Variants in MTCL2 observed in about 807,000 individuals in gnomAD.
MTCL2 encodes the protein microtubule crosslinking factor 2.
the MTCL2 span, among the ~76,000 whole-genome samples, chr20:36,846,501 T>C: frequency 6.6e-6 from 1 of 152,254 alleles, no homozygotes; most frequent in Admixed American, 6.5e-5. Context: ...CTTCCCTTTC[T>C]AGAGAATGCT....
the MTCL2 span, among the ~76,000 whole-genome samples, chr20:36,787,309 C>T: frequency 2.0e-5 from 3 of 152,018 alleles, no homozygotes; most frequent in Non-Finnish European, 4.4e-5. Flanking sequence ...CTCACTACAA[C>T]CTCCACCTCA....
At chr20:36,859,717 G>T in the MTCL2 span, 1 of 1,231,744 alleles carries the variant, frequency 8.1e-7, no homozygotes, top group Non-Finnish European at 1.0e-6. Context: ...CCCCTACAAG[G>T]GGGAGGTAAG....
At chr20:36,846,840 C>A in the MTCL2 span, among the ~76,000 whole-genome samples, 5 of 152,312 alleles carry the variant, frequency 3.3e-5, no homozygotes, top group Non-Finnish European at 7.3e-5. Context: ...AACCCCATCT[C>A]TACAAAAAAA....
the MTCL2 span, chr20:36,785,607 G>A: frequency 4.8e-4 from 473 of 985,238 alleles, no homozygotes; most frequent in Non-Finnish European, 5.3e-4. Context: ...CTGCCTCTCA[G>A]GGTGCCAGGG....
At chr20:36,793,253 T>C in the MTCL2 span, 18 of 1,550,776 alleles carry the variant, frequency 1.2e-5, no homozygotes, top group African/African-American at 1.4e-4. This position sits in a 1 kb window ranked among gnomAD's most constrained non-coding sequence, Gnocchi z 6.8. Context: ...ACCTACCTCA[T>C]TGGGAAGGAC....
the MTCL2 span, chr20:36,796,732 C>T: frequency 1.4e-3 from 998 of 694,038 alleles, 1 homozygote; most frequent in Non-Finnish European, 2.1e-3. Flanking sequence ...AACTTGGATG[C>T]GGTGGGGTGG....
the MTCL2 span, among the ~76,000 whole-genome samples, chr20:36,822,603 C>G: frequency 6.6e-6 from 1 of 152,196 alleles, no homozygotes; most frequent in African/African-American, 2.4e-5. Flanking sequence ...CTTCCTGCCC[C>G]ACTTTGGCCA....
At chr20:36,777,821 G>T in the MTCL2 span, 2 of 620,398 alleles carry the variant, frequency 3.2e-6, no homozygotes, top group East Asian at 6.7e-5. Context: ...AGGAGGAAGG[G>T]CAGCTTCTGG....
At chr20:36,794,306 G>T in the MTCL2 span, 9 of 1,559,910 alleles carry the variant, frequency 5.8e-6, no homozygotes, top group Non-Finnish European at 7.8e-6. This position sits in a 1 kb window ranked among gnomAD's most constrained non-coding sequence, Gnocchi z 5.4. Flanking sequence ...GAGGCGCCGG[G>T]CCACCGGGGG....
At chr20:36,790,592 G>A in the MTCL2 span, among the ~76,000 whole-genome samples, 1 of 151,420 alleles carries the variant, frequency 6.6e-6, no homozygotes, top group Non-Finnish European at 1.5e-5. Flanking sequence ...ATGCTGCCAC[G>A]CCTGGCTAAT....
At chr20:36,832,130 T>C in the MTCL2 span, among the ~76,000 whole-genome samples, 2 of 152,096 alleles carry the variant, frequency 1.3e-5, no homozygotes, top group African/African-American at 4.8e-5. Flanking sequence ...GTCCAACAAG[T>C]GAAAAGGGAG....
the MTCL2 span, chr20:36,809,899 G>A: frequency 6.7e-7 from 1 of 1,490,862 alleles, no homozygotes; most frequent in Non-Finnish European, 9.1e-7. Context: ...GACTTCAGAG[G>A]GCCCATAGAT....
the MTCL2 span, among the ~76,000 whole-genome samples, chr20:36,848,141 C>A: frequency 6.6e-6 from 1 of 152,104 alleles, no homozygotes; most frequent in Non-Finnish European, 1.5e-5. Context: ...AGAGTGAGAC[C>A]CCTGTCTCTA....
At chr20:36,796,882 C>T in the MTCL2 span, 1 of 1,613,942 alleles carries the variant, frequency 6.2e-7, no homozygotes, top group Non-Finnish European at 8.5e-7. Flanking sequence ...ATGCAAGCAC[C>T]TCTTTAAACC....
At chr20:36,836,176 C>CT in the MTCL2 span, among the ~76,000 whole-genome samples, 1 of 146,152 alleles carries the variant, frequency 6.8e-6, no homozygotes, top group Admixed American at 7.2e-5. Context: ...CTAACTCATT[C>CT]TTTTTTTTCT....
the MTCL2 span, among the ~76,000 whole-genome samples, chr20:36,838,445 A>G: frequency 6.6e-6 from 1 of 152,068 alleles, no homozygotes; most frequent in African/African-American, 2.4e-5. Context: ...ATATAGAAAA[A>G]TTAGCCAGGT....
chr20:36,817,596 C>A, the MTCL2 span: 1 of 787,806 alleles, frequency 1.3e-6, no homozygotes. Context: ...GGCCACCCCA[C>A]CCTGATGGCA....
At chr20:36,808,478 C>T in the MTCL2 span, 1 of 1,545,950 alleles carries the variant, frequency 6.5e-7, no homozygotes, top group Non-Finnish European at 8.8e-7. Flanking sequence ...CTCCCCAGCC[C>T]ACACTCCCAG....
the MTCL2 span, chr20:36,793,852 C>T: frequency 1.2e-5 from 19 of 1,546,504 alleles, no homozygotes; most frequent in Admixed American, 7.8e-5. The surrounding 1 kb of genome is among the most constrained non-coding windows in gnomAD (Gnocchi z 6.8). Context: ...CAGACACGAG[C>T]GAAGAGCTGC....
Sources: allele counts gnomAD v4.1 joint callset (sites outside exome capture counted in the v4.1 genomes callset), GRCh38; gene constraint gnomAD v4.1.1; non-coding constraint Gnocchi (gnomAD v3.1); transcripts MANE v1.5; gene names NCBI Gene and HGNC (gene_info 2026-07-23, HGNC 2026-07-21).